The following DST variants were observed in gnomAD, a reference collection of about 807,000 sequenced individuals.
DST encodes dystonin.
A neutral mutation model predicts 875.2 loss-of-function variants in DST; 253 were observed. The observed-to-expected ratio is 0.29, with a 90% CI of 0.26 to 0.32. DST has a LOEUF of 0.32. Among genes scored for constraint, DST ranks in the 10% least tolerant of loss-of-function variants. DST has a pLI of 1.00. For synonymous variants in DST, 3,124 were observed against 3,197.1 expected, an observed-to-expected ratio of 0.98 and a Z score of 0.77; for missense variants, 8,287 against 9,111.6, an observed-to-expected ratio of 0.91 and a Z score of 3.68.
chr6:56,901,669 G>GTA (rs557787403), intron 2 of DST, among the ~76,000 whole-genome samples: 42 of 151,636 alleles, frequency 2.8e-4, no homozygotes, highest in East Asian at 3.9e-4. Flanking sequence ...TTCTGTGTGT[G>GTA]TATATATATA....
At chr6:56,871,851 A>G (rs1777338840) in intron 3 of DST, 1 of 275,116 alleles carries the variant, frequency 3.6e-6, no homozygotes, top group East Asian at 9.0e-5. Context: ...AATCAAGCCC[A>G]CAATGGGGTT....
intron 36 of DST, chr6:56,619,889 A>T: frequency 6.2e-7 from 1 of 1,613,916 alleles, no homozygotes; most frequent in Non-Finnish European, 8.5e-7. Flanking sequence ...CAGCTCTCTC[A>T]TGTCTTGTTC....
chr6:56,474,588 T>C (rs923198658), intron 92 of DST, among the ~76,000 whole-genome samples: 2 of 152,108 alleles, frequency 1.3e-5, no homozygotes, highest in African/African-American at 4.8e-5. Flanking sequence ...CATGGACACA[T>C]GGGAGAAGTC....
intron 92 of DST, among the ~76,000 whole-genome samples, chr6:56,475,935 G>A (rs934162423): frequency 7.9e-5 from 12 of 152,184 alleles, no homozygotes; most frequent in African/African-American, 2.9e-4. Flanking sequence ...CCCCACAGAG[G>A]ACAAAGAAGG....
chr6:56,490,476 A>C (rs955023022), intron 85 of DST, among the ~76,000 whole-genome samples: 3 of 152,218 alleles, frequency 2.0e-5, no homozygotes, highest in African/African-American at 7.2e-5. Context: ...GCACATGAAT[A>C]ATGAAATAAC....
intron 30 of DST, among the ~76,000 whole-genome samples, chr6:56,630,911 T>C (rs2098773858): frequency 6.6e-6 from 1 of 151,278 alleles, no homozygotes; most frequent in Non-Finnish European, 1.5e-5. Flanking sequence ...GCTTCCCGAG[T>C]AGCTGGGACT....
In DST at chr6:56,509,656, T is replaced by C; in HGVS notation, c.18998A>G (p.Asp6333Gly). Residue 6333 changes from aspartate to glycine, a missense_variant, in exon 74 of 104, where the codon GAC becomes GGC. Transcript: ENST00000680361. Reference protein sequence around the residue: ...MIARSGGTDKDISAKAVQDKL... With the variant: ...MIARSGGTDKGISAKAVQDKL... ...AAAAGTATTACCTTTGGCAGATATG[T>C]CTTTATCAGTCCCCCCAGATCTAGC... The C allele has an allele frequency of 1.2e-6, 2 of 1,613,156 alleles. No homozygotes were observed. The highest frequency in any genetic ancestry group is 1.1e-5 in the South Asian group (1 of 91,012).
At chr6:56,764,097 G>GCACACACA (rs57134689) in intron 4 of DST, among the ~76,000 whole-genome samples, 11,242 of 141,886 alleles carry the variant, frequency 0.079, 977 homozygotes, top group African/African-American at 0.21. Context: ...AAGTGCACAT[G>GCACACACA]CACACACACA....
Position 56,555,524 on chromosome 6 carries a change from T to G in DST, c.14957A>C (p.Gln4986Pro). The change falls in exon 60 of 104, where the codon CAG (glutamine) becomes CCG (proline). Residue 4986 changes from glutamine to proline, a missense_variant. By Grantham distance (76) the Gln-to-Pro change is moderately conservative. Coordinates refer to ENST00000680361, the MANE Select transcript of DST (RefSeq NM_001374736.1). ...VSTHPDAMNQ[Q>P]LETAQKMKQE... ...CTTCATTTTTTGGGCTGTTTCCAAC[T>G]GTTGGTTCATAGCATCAGGGTGCGT... The G allele has an allele frequency of 6.2e-7, 1 of 1,614,026 alleles. No homozygotes were observed. The highest frequency in any genetic ancestry group is 8.5e-7 in the Non-Finnish European group (1 of 1,179,902).
intron 4 of DST, among the ~76,000 whole-genome samples, chr6:56,822,998 T>A (rs921066009): frequency 6.6e-6 from 1 of 151,524 alleles, no homozygotes; most frequent in Admixed American, 6.6e-5. Flanking sequence ...CCTGGCTAAT[T>A]TTTTTTGTAT....
At chr6:56,901,637 G>A (rs963392240) in intron 2 of DST, among the ~76,000 whole-genome samples, 5 of 149,784 alleles carry the variant, frequency 3.3e-5, no homozygotes. Context: ...ATATGTGTGT[G>A]TGTGTATCTG....
chr6:56,623,141 T>C (rs1047567864), intron 36 of DST, among the ~76,000 whole-genome samples: 4 of 152,238 alleles, frequency 2.6e-5, no homozygotes, highest in African/African-American at 7.2e-5. Context: ...CTTTGACATT[T>C]TTAAGGACAA....
chr6:56,628,821 T>G (rs1030140697), intron 32 of DST, among the ~76,000 whole-genome samples: 1 of 152,230 alleles, frequency 6.6e-6, no homozygotes, highest in Non-Finnish European at 1.5e-5. Flanking sequence ...ATTTTGACTT[T>G]CTTGTATCTT....
At chr6:56,486,125 A>G (rs1467576368) in intron 87 of DST, among the ~76,000 whole-genome samples, 2 of 152,216 alleles carry the variant, frequency 1.3e-5, no homozygotes, top group African/African-American at 4.8e-5. Context: ...GCACTTTGGG[A>G]GGCCGAGGCG....
chr6:56,942,896 T>C (rs1048711142), intron 2 of DST, among the ~76,000 whole-genome samples: 9 of 152,060 alleles, frequency 5.9e-5, no homozygotes, highest in Admixed American at 4.6e-4. Context: ...TTTTAAATTA[T>C]TTTTTGTATA....
At chr6:56,634,357 T>C in intron 26 of DST, 99 bp from the exon 27 acceptor site, 12 of 1,607,318 alleles carry the variant, frequency 7.5e-6, no homozygotes, top group Non-Finnish European at 9.4e-6. Context: ...GGATGAGTTC[T>C]AGAGACTTTT....
Position 56,477,486 on chromosome 6 carries a change from T to C in DST, c.21534A>G (p.Glu7178=). Residue 7178 remains glutamate, a splice_region_variant and synonymous_variant, in exon 91 of 104, where the codon GAA becomes GAG. Transcript: ENST00000680361. Reference sequence around the variant, plus strand: ...TCTTTTCTTCCAGTTTCTTCATGAATTCCTACAGCAGAAACAAAGACTTCA... The same window carrying C: ...TCTTTTCTTCCAGTTTCTTCATGAACTCCTACAGCAGAAACAAAGACTTCA... ...ALRTLIDQHK[E]FMKKLEEKRA... 6.2e-7 allele frequency: 1 copy of C among 1,613,976 alleles called. No individual in the cohort carries two copies. Among genetic ancestry groups the C allele is most frequent in the Non-Finnish European group, 8.5e-7 (1 of 1,179,856 alleles).
rs1489917225 is a variant in DST, at chr6:56,492,714, A to G, written c.20550+220T>C. On this transcript the variant is annotated intron_variant, in intron 84 of 103. Transcript: ENST00000680361. The stretch of plus-strand genomic sequence containing the variant: ...CTGAAACCCCATCTCTACTAAAAAT[A>G]CAAAAATTAGCCAGGCATGCTGGTG... Among the ~76,000 whole-genome samples the G allele has an allele frequency of 3.9e-5, 6 of 152,204 alleles. No homozygotes were observed. The East Asian group carries it at 9.7e-4, about 25-fold the overall frequency.
chr6:56,589,982 G>A (rs942123370), intron 49 of DST, among the ~76,000 whole-genome samples: 1 of 152,192 alleles, frequency 6.6e-6, no homozygotes, highest in Non-Finnish European at 1.5e-5. Flanking sequence ...ATTGTTAAAA[G>A]TAATTGTAAA....
Sources: allele counts gnomAD v4.1 joint callset (sites outside exome capture counted in the v4.1 genomes callset), GRCh38; gene constraint gnomAD v4.1.1; transcripts MANE v1.5; gene names NCBI Gene and HGNC (gene_info 2026-07-23, HGNC 2026-07-21).